The following P2RX5 variants were observed in gnomAD, a reference collection of about 807,000 sequenced individuals.
P2RX5 encodes the protein P2X purinoceptor 5.
P2RX5 carries 46 observed loss-of-function variants against 54.1 expected under a neutral mutation model. The observed-to-expected ratio is 0.85, with a 90% confidence interval of 0.67 to 1.09. P2RX5 has a LOEUF of 1.09. P2RX5 is among the 50% of genes least tolerant of loss of function. P2RX5 has a pLI of 0.00. For missense variants in P2RX5, 566 were observed against 549.8 expected (o/e 1.03, Z -0.29); for synonymous variants, 226 against 226.4 (o/e 1.00, Z 0.02).
chr17:3,678,053 C>G, intron 11 of P2RX5: 1 of 985,472 alleles, frequency 1.0e-6, no homozygotes, highest in Non-Finnish European at 1.2e-6. Context: ...TTCAGCGACA[C>G]TGCTGGTAGC....
intron 9 of P2RX5, 40 bp downstream of exon 9, chr17:3,687,972 G>T: frequency 3.3e-6 from 1 of 299,924 alleles, no homozygotes; most frequent in Non-Finnish European, 6.2e-6. Flanking sequence ...CCCAGCCCCC[G>T]CCCCCCGCCC....
chr17:3,713,171 A>C, the P2RX5 span, among the ~76,000 whole-genome samples: 17 of 152,196 alleles, frequency 1.1e-4, no homozygotes, highest in African/African-American at 3.9e-4. Flanking sequence ...AGCTTGGTCA[A>C]CATAGCTAGA....
chr17:3,719,113 G>GT, the P2RX5 span, among the ~76,000 whole-genome samples: 20,407 of 151,228 alleles, frequency 0.13, 4,632 homozygotes, highest in African/African-American at 0.47. Flanking sequence ...GTGGGCACCT[G>GT]TAATCCCAGC....
At chr17:3,676,551 C>G (rs1234872110) in intron 11 of P2RX5, 8 of 985,328 alleles carry the variant, frequency 8.1e-6, no homozygotes, top group Non-Finnish European at 8.4e-6. Flanking sequence ...GAGGAAGCCT[C>G]TTGGTCTCTA....
chr17:3,710,427 A>G, the P2RX5 span, among the ~76,000 whole-genome samples: 2 of 151,674 alleles, frequency 1.3e-5, no homozygotes, highest in Admixed American at 1.3e-4. Context: ...ACTCTATCTC[A>G]AATAAATAAA....
At chr17:3,693,675 T>C (rs1303271872) in intron 1 of P2RX5, among the ~76,000 whole-genome samples, 3 of 151,770 alleles carry the variant, frequency 2.0e-5, no homozygotes, top group Non-Finnish European at 4.4e-5. Context: ...GAGGCAGAGG[T>C]TGTAGTGAGC....
rs1462839506 is a variant in P2RX5, at chr17:3,691,016, G to T, written c.300C>A (p.Val100=). Residue 100 remains valine (V), a synonymous_variant, in exon 3 of 12, where the codon GTC becomes GTA. Transcript: ENST00000225328. ...DYVIPAQGEN[V]FFVVTNLIVT... is the part of the protein sequence containing the mutation. ...CAATCAGGTTGGTGACCACAAAAAAGACGTTCTCTCCCTAAGGAACCAGAG... is the reference window on the plus strand; with the variant it reads ...CAATCAGGTTGGTGACCACAAAAAATACGTTCTCTCCCTAAGGAACCAGAG... 1 of 1,612,554 alleles carries T rather than the reference G, an allele frequency of 6.2e-7. No individual in the cohort carries two copies. The highest frequency in any genetic ancestry group is 1.1e-5 in the South Asian group (1 of 90,878).
chr17:3,713,861 AT>A, the P2RX5 span, among the ~76,000 whole-genome samples: 57,643 of 152,072 alleles, frequency 0.38, 13,067 homozygotes, highest in South Asian at 0.6. Flanking sequence ...GTATGTTTAA[AT>A]TAAAACCCCA....
At chr17:3,704,309 A>T in the P2RX5 span, among the ~76,000 whole-genome samples, 1 of 152,246 alleles carries the variant, frequency 6.6e-6, no homozygotes, top group African/African-American at 2.4e-5. Context: ...CCAGCTGCAG[A>T]CCCAGCCTTC....
At chr17:3,680,558 C>G (rs1339373513) in intron 10 of P2RX5, among the ~76,000 whole-genome samples, 1 of 143,520 alleles carries the variant, frequency 7.0e-6, no homozygotes, top group Non-Finnish European at 1.5e-5. Context: ...CCGGCGTCCT[C>G]CACCCTGCTT....
intron 3 of P2RX5, 102 bp downstream of exon 3, chr17:3,690,854 A>G: frequency 8.3e-7 from 1 of 1,199,774 alleles, no homozygotes; most frequent in Non-Finnish European, 1.2e-6. Flanking sequence ...GCCACCCGAG[A>G]CCCTTGGAGT....
intron 1 of P2RX5, among the ~76,000 whole-genome samples, chr17:3,695,405 A>C (rs1297356900): frequency 2.0e-5 from 3 of 152,078 alleles, no homozygotes; most frequent in African/African-American, 7.2e-5. Context: ...TGCCGGGCTG[A>C]TGAGTTTCTC....
the P2RX5 span, among the ~76,000 whole-genome samples, chr17:3,701,696 GAAAA>G: frequency 1.5e-4 from 11 of 73,424 alleles, no homozygotes; most frequent in African/African-American, 5.8e-4. Flanking sequence ...CTCTGTCTCA[GAAAA>G]AAAAAAAAAA....
chr17:3,690,380 C>T (rs1357898775), intron 5 of P2RX5, 47 bp downstream of exon 5: 2 of 1,447,160 alleles, frequency 1.4e-6, no homozygotes, highest in Non-Finnish European at 1.9e-6. Flanking sequence ...GGACCCACCG[C>T]ACGGGGCTGG....
chr17:3,677,200 C>G (rs1366565130), intron 11 of P2RX5: 1 of 985,228 alleles, frequency 1.0e-6, no homozygotes, highest in African/African-American at 1.7e-5. Flanking sequence ...TAACTCAGCC[C>G]GTTTACACCT....
At chr17:3,688,546 GC>G (rs2050514026) in intron 8 of P2RX5, 79 bp downstream of exon 8, 1 of 1,485,230 alleles carries the variant, frequency 6.7e-7, no homozygotes, top group African/African-American at 1.4e-5. Context: ...CCAGGAAGGG[GC>G]CTCAATAGTG....
At chr17:3,706,513 T>C in the P2RX5 span, among the ~76,000 whole-genome samples, 1 of 152,106 alleles carries the variant, frequency 6.6e-6, no homozygotes, top group African/African-American at 2.4e-5. Context: ...ATTGACAAAG[T>C]GTAACCAGAT....
chr17:3,698,821 T>C (rs749281849), upstream of P2RX5, among the ~76,000 whole-genome samples: 4 of 151,812 alleles, frequency 2.6e-5, no homozygotes, highest in Non-Finnish European at 4.4e-5. Flanking sequence ...ACCAGGCCCA[T>C]CCTTACGGGG....
chr17:3,710,524 G>A, the P2RX5 span, among the ~76,000 whole-genome samples: 2 of 151,768 alleles, frequency 1.3e-5, no homozygotes, highest in Admixed American at 6.6e-5. Context: ...AAATTCTGGT[G>A]CCATTATAAT....
Sources: gnomAD v4.1 joint callset for allele counts (sites outside exome capture counted in the v4.1 genomes callset) on GRCh38, gnomAD v4.1.1 for gene constraint, MANE v1.5 for transcripts, NCBI Gene and HGNC (gene_info 2026-07-23, HGNC 2026-07-21) for gene names.